TBC1D1: variants seen among roughly 807,000 people sequenced by gnomAD.
The protein encoded by TBC1D1 is TBC1 domain family member 1.
In TBC1D1, 89 loss-of-function variants were observed where a neutral mutation model predicts 125.6. The observed-to-expected ratio is 0.71, with a 90% CI of 0.60 to 0.85. The LOEUF (loss-of-function observed/expected upper bound fraction) is 0.85. TBC1D1 is among the 40% of genes least tolerant of loss of function. TBC1D1 has a pLI of 0.00. For synonymous variants in TBC1D1, 565 were observed against 564.1 expected (o/e 1.00, Z -0.02); for missense variants, 1,377 against 1,469.2 (o/e 0.94, Z 1.03).
intron 12 of TBC1D1, among the ~76,000 whole-genome samples, chr4:38,065,882 T>G (rs185165254): frequency 0.011 from 1,669 of 152,256 alleles, 15 homozygotes; most frequent in Non-Finnish European, 0.017. Context: ...ACTCCTGACC[T>G]CAGGTGATCC....
intron 12 of TBC1D1, among the ~76,000 whole-genome samples, chr4:38,073,717 C>A (rs916082229): frequency 7.2e-5 from 11 of 152,036 alleles, no homozygotes; most frequent in Admixed American, 3.9e-4. Flanking sequence ...TAATGATAGC[C>A]CCACCTTGTA....
intron 12 of TBC1D1, among the ~76,000 whole-genome samples, chr4:38,059,708 G>A (rs1274018359): frequency 1.3e-5 from 2 of 152,132 alleles, no homozygotes; most frequent in Non-Finnish European, 2.9e-5. Flanking sequence ...TTTAAGATTT[G>A]GATTTATTTT....
At chr4:37,899,313 T>G (rs1715330810) in intron 1 of TBC1D1, among the ~76,000 whole-genome samples, 1 of 152,042 alleles carries the variant, frequency 6.6e-6, no homozygotes, top group African/African-American at 2.4e-5. Context: ...GAGTTAGCTT[T>G]AAAATAACTA....
At chr4:37,997,791 T>TA (rs1212720925) in intron 2 of TBC1D1, among the ~76,000 whole-genome samples, 40 of 151,666 alleles carry the variant, frequency 2.6e-4, no homozygotes, top group Non-Finnish European at 5.0e-4. Context: ...TTTTTTTTTT[T>TA]AAAAGAGAAT....
intron 17 of TBC1D1, 138 bp downstream of exon 19, chr4:38,118,330 T>C: frequency 9.4e-7 from 1 of 1,067,080 alleles, no homozygotes; most frequent in Non-Finnish European, 1.3e-6. Context: ...AGTCTAAGAT[T>C]AGTCAGGGGT....
At chr4:37,925,517 A>T (rs1487316048) in intron 2 of TBC1D1, among the ~76,000 whole-genome samples, 1 of 152,118 alleles carries the variant, frequency 6.6e-6, no homozygotes, top group Non-Finnish European at 1.5e-5. Flanking sequence ...AGAAATCGAG[A>T]CCATCCTGGC....
intron 18 of TBC1D1, among the ~76,000 whole-genome samples, chr4:38,127,602 T>C (rs2152623159): frequency 6.6e-6 from 1 of 152,298 alleles, no homozygotes; most frequent in East Asian, 1.9e-4. Flanking sequence ...CAGGCTGGTC[T>C]TGAACTCCTG....
At chr4:37,895,561 G>A (rs953807149) in intron 1 of TBC1D1, among the ~76,000 whole-genome samples, 2 of 152,106 alleles carry the variant, frequency 1.3e-5, no homozygotes, top group African/African-American at 4.8e-5. Context: ...AAGATCAGCC[G>A]GGCATGGTAG....
intron 14 of TBC1D1, among the ~76,000 whole-genome samples, chr4:38,100,069 C>T (rs1269098569): frequency 6.6e-6 from 1 of 152,080 alleles, no homozygotes; most frequent in Non-Finnish European, 1.5e-5. Context: ...TTTTCTAGCC[C>T]ACATTTACTT....
chr4:38,120,336 C>T (rs867979616), intron 17 of TBC1D1, among the ~76,000 whole-genome samples: 5 of 152,056 alleles, frequency 3.3e-5, no homozygotes, highest in Admixed American at 6.6e-5. Flanking sequence ...GCTTTTTTTT[C>T]CACAGTCCAT....
In TBC1D1 at chr4:38,114,028, G is replaced by C. The variant is rs55885193; in HGVS notation, c.2558-1682G>C. 5.4e-3 allele frequency among the ~76,000 whole-genome samples: 813 copies of C among 149,816 alleles called. 7 individuals are homozygous for C. Among genetic ancestry groups the C allele is most frequent in the African/African-American group, 0.018 (730 of 40,436 alleles). Reference sequence around the variant, plus strand: ...ACATTCCAGTTCAGTTGCATGTGCTGCTACCCATTGTTCTACACACACACA... The same window carrying C: ...ACATTCCAGTTCAGTTGCATGTGCTCCTACCCATTGTTCTACACACACACA... On this transcript the variant is annotated intron_variant, in intron 15 of 19. Coordinates refer to ENST00000261439, the MANE Select transcript of TBC1D1 (RefSeq NM_015173.4).
chr4:38,052,201 G>A (rs542791511), intron 11 of TBC1D1, 141 bp downstream of exon 12: 27 of 687,852 alleles, frequency 3.9e-5, no homozygotes, highest in African/African-American at 1.2e-4. Flanking sequence ...GTGTGCGCGC[G>A]CGTGTGTGTC....
intron 19 of TBC1D1, among the ~76,000 whole-genome samples, chr4:38,136,352 C>T (rs886441500): frequency 6.6e-6 from 1 of 152,160 alleles, no homozygotes; most frequent in South Asian, 2.1e-4. Flanking sequence ...CTCCATGGCT[C>T]GTAGTGAACA....
intron 8 of TBC1D1, 37 bp from the exon 9 acceptor site, chr4:38,044,325 G>C: frequency 6.3e-7 from 1 of 1,577,900 alleles, no homozygotes; most frequent in Non-Finnish European, 8.6e-7. Context: ...AGCAGAGAAG[G>C]GAGCGATAAA....
chr4:37,901,662 C>G (rs1384551622), intron 1 of TBC1D1, among the ~76,000 whole-genome samples: 1 of 48,482 alleles, frequency 2.1e-5, no homozygotes, highest in Non-Finnish European at 4.9e-5. Context: ...AGTGATATTA[C>G]TTGTCCCAGA....
intron 3 of TBC1D1, among the ~76,000 whole-genome samples, chr4:38,017,079 G>A (rs1742903191): frequency 6.6e-6 from 1 of 152,130 alleles, no homozygotes. Context: ...AGGGATCTCA[G>A]GAGCCCCACC....
intron 8 of TBC1D1, among the ~76,000 whole-genome samples, chr4:38,037,782 C>T (rs960869238): frequency 6.6e-6 from 1 of 152,156 alleles, no homozygotes; most frequent in African/African-American, 2.4e-5. Context: ...GCCATATGCG[C>T]TTTTCAAAGA....
chr4:37,916,827 G>C (rs1719834525), intron 2 of TBC1D1, among the ~76,000 whole-genome samples: 1 of 152,134 alleles, frequency 6.6e-6, no homozygotes, highest in South Asian at 2.1e-4. Context: ...CTGGAGTGCA[G>C]TGGCATGATC....
intron 9 of TBC1D1, among the ~76,000 whole-genome samples, chr4:38,045,455 T>A (rs1263194846): frequency 6.6e-6 from 1 of 152,098 alleles, no homozygotes; most frequent in South Asian, 2.1e-4. Flanking sequence ...AGGGATAGAG[T>A]GCTGTCCGAG....
Sources: gnomAD v4.1 joint callset for allele counts (sites outside exome capture counted in the v4.1 genomes callset) on GRCh38, gnomAD v4.1.1 for gene constraint, MANE v1.5 for transcripts, NCBI Gene and HGNC (gene_info 2026-07-23, HGNC 2026-07-21) for gene names.